ARHGAP24: variants seen among roughly 807,000 people sequenced by gnomAD.
ARHGAP24 encodes Rho GTPase activating protein 24.
In ARHGAP24, 50 loss-of-function variants were observed where a neutral mutation model predicts 76.4. The ratio of observed to expected loss-of-function variants is 0.65; its 90% confidence interval spans 0.52 to 0.83. ARHGAP24 has a LOEUF of 0.83. ARHGAP24 is among the 40% of genes least tolerant of loss of function. ARHGAP24 has a pLI of 0.00. For missense variants in ARHGAP24, 930 were observed against 914.2 expected (o/e 1.02, Z -0.22); for synonymous variants, 345 against 323.3 (o/e 1.07, Z -0.72).
At chr4:85,983,233 C>T (rs369448472) in intron 8 of ARHGAP24, among the ~76,000 whole-genome samples, 1 of 152,158 alleles carries the variant, frequency 6.6e-6, no homozygotes, top group Non-Finnish European at 1.5e-5. Flanking sequence ...CTGCAGTGAA[C>T]ATATGTGTGC....
At chr4:85,620,165 C>A (rs757506423) in intron 2 of ARHGAP24, among the ~76,000 whole-genome samples, 1 of 151,856 alleles carries the variant, frequency 6.6e-6, no homozygotes, top group Non-Finnish European at 1.5e-5. Context: ...ATAATCCTGG[C>A]CTCATAATAT....
intron 3 of ARHGAP24, among the ~76,000 whole-genome samples, chr4:85,878,841 A>G (rs1733083122): frequency 6.6e-6 from 1 of 152,210 alleles, no homozygotes; most frequent in African/African-American, 2.4e-5. Context: ...ATCTTACATT[A>G]TGATCATTTT....
chr4:85,793,819 GC>G (rs1209618529), intron 3 of ARHGAP24, among the ~76,000 whole-genome samples: 1 of 152,108 alleles, frequency 6.6e-6, no homozygotes, highest in Non-Finnish European at 1.5e-5. Flanking sequence ...AAGAAGCAGT[GC>G]CTTCTTTTTG....
chr4:85,945,838 G>A (rs1188077757), intron 5 of ARHGAP24, among the ~76,000 whole-genome samples: 1 of 151,362 alleles, frequency 6.6e-6, no homozygotes, highest in Non-Finnish European at 1.5e-5. Context: ...TAAAATAAAT[G>A]TATAGTTTGT....
intron 2 of ARHGAP24, among the ~76,000 whole-genome samples, chr4:85,679,821 C>G (rs750890149): frequency 3.9e-5 from 6 of 152,154 alleles, no homozygotes; most frequent in Non-Finnish European, 7.4e-5. Flanking sequence ...GTGTCTGTCT[C>G]TTGCTTCTCT....
intron 1 of ARHGAP24, 118 bp from the exon 2 acceptor site, chr4:85,570,404 T>G (rs1471216631): frequency 2.6e-6 from 1 of 379,952 alleles, no homozygotes. Flanking sequence ...CTTTCTTTCT[T>G]TCTTTCTTTC....
At chr4:85,957,107 T>A (rs913316439) in intron 5 of ARHGAP24, among the ~76,000 whole-genome samples, 1 of 152,154 alleles carries the variant, frequency 6.6e-6, no homozygotes, top group Non-Finnish European at 1.5e-5. Context: ...AGCCGCTTGT[T>A]TAAAGGTGGA....
intron 3 of ARHGAP24, among the ~76,000 whole-genome samples, chr4:85,839,982 T>A: frequency 6.7e-6 from 1 of 150,220 alleles, no homozygotes; most frequent in East Asian, 2.0e-4. Flanking sequence ...CCTGAGTCAC[T>A]GGGATTACAG....
chr4:85,982,883 C>T (rs1739754086), intron 8 of ARHGAP24, among the ~76,000 whole-genome samples: 1 of 151,996 alleles, frequency 6.6e-6, no homozygotes, highest in Admixed American at 6.6e-5. Flanking sequence ...GATATTAAGC[C>T]CAGCATCCAT....
At chr4:85,622,936 A>T (rs1035296130) in intron 2 of ARHGAP24, among the ~76,000 whole-genome samples, 19 of 151,538 alleles carry the variant, frequency 1.3e-4, no homozygotes, top group African/African-American at 4.1e-4. Flanking sequence ...CCACTTTTTG[A>T]TGGGGTTGTT....
chr4:85,786,336 CTTTGGCT>C (rs982184036), intron 3 of ARHGAP24, among the ~76,000 whole-genome samples: 3 of 152,168 alleles, frequency 2.0e-5, no homozygotes, highest in Admixed American at 6.5e-5. Context: ...CTCTCTTCAT[CTTTGGCT>C]GTCAGCAGGA....
At position 85,696,890 on chromosome 4, in the gene ARHGAP24, C is replaced by T. The variant is rs114912227; in HGVS notation, c.181-24995C>T. 5.3e-3 allele frequency among the ~76,000 whole-genome samples: 807 copies of T among 152,180 alleles called. 6 individuals carry two copies. The highest frequency in any genetic ancestry group is 0.018 in the African/African-American group (763 of 41,498). ...ACATTGATCAACTTGTTGAGGATGG[C>T]CCTGTCTTGTCAGTGGAAAAAAGAG... On this transcript the variant is annotated intron_variant, in intron 2 of 9. Transcript: ENST00000395184.
intron 8 of ARHGAP24, chr4:85,990,367 C>G (rs558570640): frequency 6.6e-6 from 1 of 151,580 alleles, no homozygotes; most frequent in Non-Finnish European, 1.5e-5. Flanking sequence ...TAAAATTGAC[C>G]TATAGTTTTA....
intron 2 of ARHGAP24, among the ~76,000 whole-genome samples, chr4:85,586,828 G>T (rs1454694058): frequency 6.6e-6 from 1 of 152,128 alleles, no homozygotes; most frequent in Non-Finnish European, 1.5e-5. Context: ...AACCTGGGAG[G>T]TGGATGTTGC....
chr4:85,960,050 T>G (rs1236416681), intron 5 of ARHGAP24, among the ~76,000 whole-genome samples: 3 of 152,192 alleles, frequency 2.0e-5, no homozygotes, highest in Non-Finnish European at 4.4e-5. Context: ...GTGTATCCAG[T>G]TAAGTCAGCA....
chr4:85,948,632 T>G (rs1033163315), intron 5 of ARHGAP24, among the ~76,000 whole-genome samples: 4 of 152,226 alleles, frequency 2.6e-5, no homozygotes, highest in Non-Finnish European at 5.9e-5. Flanking sequence ...GTGACCTTAT[T>G]ATCTCTTTTA....
chr4:85,902,761 G>C (rs1430647108), intron 3 of ARHGAP24, among the ~76,000 whole-genome samples: 2 of 152,126 alleles, frequency 1.3e-5, no homozygotes, highest in Admixed American at 6.5e-5. Context: ...CCGCCACTGC[G>C]CTCATCTAAT....
intron 1 of ARHGAP24, among the ~76,000 whole-genome samples, chr4:85,497,991 CAA>C (rs1317774442): frequency 6.6e-6 from 1 of 152,126 alleles, no homozygotes; most frequent in African/African-American, 2.4e-5. Flanking sequence ...CTAAATAAAA[CAA>C]GAGGTAATTA....
At chr4:85,717,717 T>C (rs1724784736) in intron 2 of ARHGAP24, among the ~76,000 whole-genome samples, 1 of 152,174 alleles carries the variant, frequency 6.6e-6, no homozygotes, top group African/African-American at 2.4e-5. Context: ...TTCCTTTATA[T>C]ACTTTTCCTA....
Sources: allele counts gnomAD v4.1 joint callset (sites outside exome capture counted in the v4.1 genomes callset), GRCh38; gene constraint gnomAD v4.1.1; transcripts MANE v1.5; gene names NCBI Gene and HGNC (gene_info 2026-07-23, HGNC 2026-07-21).